Variants in TEX11 observed in about 807,000 individuals in gnomAD.
TEX11 encodes testis expressed 11.
Under a neutral mutation model 84.4 loss-of-function variants are expected in TEX11, and 7 were observed. That is an observed-to-expected ratio of 0.08 (90% CI 0.05 to 0.16). The LOEUF is 0.16. Among genes scored for constraint, TEX11 ranks in the 10% least tolerant of loss-of-function variants. The pLI, the probability that TEX11 is intolerant of heterozygous loss-of-function variation, is 1.00. For missense variants in TEX11, 551 were observed against 660.5 expected (o/e 0.83, Z 1.82); for synonymous variants, 264 against 222.8 (o/e 1.18, Z -1.64).
chrX:70,634,204 C>T (rs1039322714), intron 17 of TEX11, among the ~76,000 whole-genome samples: 1 of 111,316 alleles, frequency 9.0e-6, no homozygotes, highest in African/African-American at 3.3e-5. Context: ...GAAAACATTG[C>T]TGAGAGAAAT....
chrX:70,605,322 A>G (rs2089183387), intron 24 of TEX11, 79 bp downstream of exon 24: 1 of 642,309 alleles, frequency 1.6e-6, no homozygotes, highest in African/African-American at 2.2e-5. Context: ...AAGAGAATCA[A>G]AAAGAACTGC....
At chrX:70,610,360 TAGATTCCTGTGGCAA>T (rs2089246061) in intron 21 of TEX11, 128 bp downstream of exon 21, 3 of 518,483 alleles carry the variant, frequency 5.8e-6, no homozygotes, top group Admixed American at 3.8e-5. Context: ...GAAACCAAAA[TAGATTCCTGTGGCAA>T]AGATTAATAA....
chrX:70,859,475 G>A (rs942057795), intron 5 of TEX11, among the ~76,000 whole-genome samples: 11 of 103,881 alleles, frequency 1.1e-4, no homozygotes, highest in Admixed American at 2.1e-4. Flanking sequence ...CCAGTTACTC[G>A]GGAAGCTGAG....
chrX:70,808,487 A>C (rs2091233664), intron 8 of TEX11, among the ~76,000 whole-genome samples: 2 of 109,023 alleles, frequency 1.8e-5, no homozygotes, highest in South Asian at 7.9e-4. Flanking sequence ...TGGGCAACAG[A>C]GAGAGATTCC....
intron 16 of TEX11, 141 bp downstream of exon 16, chrX:70,670,236 A>C (rs1225553302): frequency 5.1e-5 from 31 of 610,570 alleles, no homozygotes; most frequent in Non-Finnish European, 7.3e-5. Flanking sequence ...AATCAAGAAA[A>C]TGTCAATTTG....
chrX:70,546,137 C>T (rs2088120696), intron 28 of TEX11, among the ~76,000 whole-genome samples: 1 of 111,842 alleles, frequency 8.9e-6, no homozygotes, highest in Non-Finnish European at 1.9e-5. Flanking sequence ...GGTATTATTC[C>T]CACTTTACAA....
At chrX:70,748,043 C>T (rs1268329909) in intron 9 of TEX11, among the ~76,000 whole-genome samples, 1 of 107,508 alleles carries the variant, frequency 9.3e-6, no homozygotes, top group African/African-American at 3.4e-5. Flanking sequence ...ATCTGAGGAA[C>T]AAACAGAAAA....
chrX:70,816,879 T>A (rs1301148030), intron 8 of TEX11, among the ~76,000 whole-genome samples: 4 of 110,245 alleles, frequency 3.6e-5, no homozygotes, highest in Non-Finnish European at 7.6e-5. Flanking sequence ...AAATGAAGAA[T>A]CAGAGAATGA....
chrX:70,653,440 G>A (rs1354049551), intron 16 of TEX11, among the ~76,000 whole-genome samples: 1 of 112,106 alleles, frequency 8.9e-6, no homozygotes, highest in Non-Finnish European at 1.9e-5. Flanking sequence ...ATGAAAAGAT[G>A]CTTAACATCT....
chrX:70,801,588 TTTCCTTTCTTTTC>T (rs2091187488), intron 9 of TEX11, among the ~76,000 whole-genome samples: 1 of 111,338 alleles, frequency 9.0e-6, no homozygotes, highest in South Asian at 3.8e-4. Context: ...TTTTCCTTTC[TTTCCTTTCTTTTC>T]TTTCTTTTCC....
intron 25 of TEX11, among the ~76,000 whole-genome samples, chrX:70,559,267 C>A (rs568607547): frequency 8.9e-6 from 1 of 112,251 alleles, no homozygotes; most frequent in Non-Finnish European, 1.9e-5. Context: ...CATGCCACAA[C>A]ATGAATGAAC....
intron 8 of TEX11, among the ~76,000 whole-genome samples, chrX:70,829,210 A>T (rs2091362763): frequency 8.9e-6 from 1 of 111,840 alleles, no homozygotes. Context: ...AGCTGGAAAC[A>T]GTGGCTCATG....
chrX:70,658,416 C>T (rs189910005), intron 16 of TEX11, among the ~76,000 whole-genome samples: 6 of 110,207 alleles, frequency 5.4e-5, no homozygotes, highest in Non-Finnish European at 9.5e-5. Flanking sequence ...GACTCAGTCT[C>T]AAAAAAACAA....
At chrX:70,798,978 AAT>A (rs2091171985) in intron 9 of TEX11, among the ~76,000 whole-genome samples, 1 of 111,738 alleles carries the variant, frequency 8.9e-6, no homozygotes, top group Non-Finnish European at 1.9e-5. Context: ...CAAAAACAAA[AAT>A]AGACAAATGG....
chrX:70,822,099 G>A (rs2091320965), intron 8 of TEX11, among the ~76,000 whole-genome samples: 2 of 111,255 alleles, frequency 1.8e-5, no homozygotes, highest in Admixed American at 1.9e-4. Flanking sequence ...AATATGCTAT[G>A]TAAATAGTTG....
chrX:70,735,886 T>A (rs1037254162), intron 11 of TEX11, among the ~76,000 whole-genome samples: 28 of 112,237 alleles, frequency 2.5e-4, no homozygotes, highest in African/African-American at 8.4e-4. Flanking sequence ...GTGTACTTAT[T>A]GGCCACTGGT....
intron 13 of TEX11, among the ~76,000 whole-genome samples, chrX:70,698,541 C>T (rs1346345121): frequency 9.3e-6 from 1 of 107,913 alleles, no homozygotes; most frequent in African/African-American, 3.4e-5. Flanking sequence ...AAAAAAAACA[C>T]CCTAGGAAAC....
In TEX11 at chrX:70,605,448, C is replaced by T. The variant is rs1421446151; in HGVS notation, c.2020G>A (p.Ala674Thr). ...TTTCTCCCTTGCTCTAGATCAACTG[C>T]AACTGCCATAAGTAAACATGTTTTC... ...ARKTCLLMAV[A>T]VDLEQGRKAS... The change falls in exon 24 of 30, where the codon GCA becomes ACA. Residue 674 changes from alanine to threonine, a missense_variant. Ala to Thr is a moderately conservative substitution (Grantham distance 58). Transcript: ENST00000374333. The T allele has an allele frequency of 8.3e-7, 1 of 1,208,192 alleles. No individual in the cohort carries two copies. Among genetic ancestry groups the T allele is most frequent in the Non-Finnish European group, 1.1e-6 (1 of 893,922 alleles).
chrX:70,721,022 C>A (rs766970853), intron 13 of TEX11, among the ~76,000 whole-genome samples: 1 of 110,643 alleles, frequency 9.0e-6, no homozygotes, highest in Non-Finnish European at 1.9e-5. Context: ...CCTAGCTATG[C>A]AATTGTGGGC....
Sources: gnomAD v4.1 joint callset for allele counts (sites outside exome capture counted in the v4.1 genomes callset) on GRCh38, gnomAD v4.1.1 for gene constraint, MANE v1.5 for transcripts, NCBI Gene and HGNC (gene_info 2026-07-23, HGNC 2026-07-21) for gene names.